Variants in FLNB observed in about 807,000 individuals in gnomAD.
The protein encoded by FLNB is filamin-B.
In FLNB, 111 loss-of-function variants were observed where a neutral mutation model predicts 250.6. The observed-to-expected ratio is 0.44, with a 90% CI of 0.38 to 0.52. The LOEUF (loss-of-function observed/expected upper bound fraction) is 0.52, where lower values mean the gene tolerates loss of function less well. FLNB is among the 20% of genes least tolerant of loss of function. The pLI is 0.00. For missense variants in FLNB, 2,869 were observed against 3,447.8 expected (o/e 0.83, Z 4.20); for synonymous variants, 1,302 against 1,372.1 (o/e 0.95, Z 1.13).
At chr3:58,117,796 T>TGCAAAAATGCAACCAA (rs1559705437) in intron 18 of FLNB, among the ~76,000 whole-genome samples, 16 of 152,006 alleles carry the variant, frequency 1.1e-4, no homozygotes, top group Admixed American at 2.0e-4. Context: ...ACCAGTTTTT[T>TGCAAAAATGCAACCAA]TTTTTTTTTC....
rs56147140 is a variant in FLNB, at chr3:58,123,703, TAAAA to T, written c.3724+33_3724+36del. 2.6e-3 allele frequency: 2,926 copies of T among 1,111,112 alleles called. No individual in the cohort carries two copies. Among genetic ancestry groups the T allele is most frequent in the East Asian group, 6.6e-3 (235 of 35,650 alleles). 68.8% of individuals were successfully genotyped at this position (1,111,112 alleles called of 1,614,324 possible). Reference sequence around the variant, plus strand: ...ATAGAAGGGAAAGGTGGGTTTCATTTAAAAAAAAAAAAAAAAAAAAAAAGACAAG... The same window carrying T: ...ATAGAAGGGAAAGGTGGGTTTCATTTAAAAAAAAAAAAAAAAAAAGACAAG... On this transcript the variant is annotated intron_variant, in intron 21 of 45. Coordinates refer to ENST00000295956, the MANE Select transcript of FLNB (RefSeq NM_001457.4).
At chr3:58,127,788 G>T (rs1247891582) in intron 24 of FLNB, among the ~76,000 whole-genome samples, 4 of 152,098 alleles carry the variant, frequency 2.6e-5, no homozygotes, top group Non-Finnish European at 5.9e-5. Context: ...CATTTGTTTT[G>T]GGGGGAGGAC....
chr3:58,120,673 T>A (rs1212427791), intron 19 of FLNB, among the ~76,000 whole-genome samples: 1 of 152,174 alleles, frequency 6.6e-6, no homozygotes, highest in Non-Finnish European at 1.5e-5. Flanking sequence ...GCCTATAAGA[T>A]GGAGTTGGCT....
intron 1 of FLNB, among the ~76,000 whole-genome samples, chr3:58,063,116 C>T (rs1204079720): frequency 1.3e-5 from 2 of 152,164 alleles, no homozygotes; most frequent in Non-Finnish European, 2.9e-5. Flanking sequence ...CTTGCCAAGT[C>T]GCTGTGCTTG....
intron 1 of FLNB, among the ~76,000 whole-genome samples, chr3:58,025,808 T>C (rs2097122818): frequency 6.6e-6 from 1 of 152,162 alleles, no homozygotes; most frequent in Non-Finnish European, 1.5e-5. Flanking sequence ...TGCCTTTAAT[T>C]CCAGCTACTT....
In FLNB at chr3:58,106,825, G is replaced by A. The variant is rs1194846126; in HGVS notation, c.1893G>A (p.Pro631=). 32 of 1,613,922 alleles carry A rather than the reference G, an allele frequency of 2.0e-5. No homozygotes were observed. The East Asian group carries it at 2.5e-4, about 12-fold the overall frequency. ...ACGACGAAGACATCAAGGACAGCCC[G>A]TACATGGCCTTCATCCACCCAGCCA... is the stretch of plus-strand genomic sequence containing the variant. ...MCDDEDIKDS[P]YMAFIHPATG... The change falls in exon 12 of 46, where the codon CCG becomes CCA. Residue 631 remains proline (P), a synonymous_variant. Transcript: ENST00000295956.
At chr3:58,030,751 G>T (rs1384872636) in intron 1 of FLNB, among the ~76,000 whole-genome samples, 3 of 152,142 alleles carry the variant, frequency 2.0e-5, no homozygotes, top group African/African-American at 7.2e-5. Flanking sequence ...GCAGGCGCCT[G>T]TTGTCCCAGC....
Position 58,163,544 on chromosome 3 carries a change from A to G in FLNB, c.7198+214A>G, listed in dbSNP as rs185926414. ...AGAGTGAGAGCTCGATGGCCGTGTTATCACACCTCATTACTGTTAGTTGTG... is the reference window on the plus strand; with the variant it reads ...AGAGTGAGAGCTCGATGGCCGTGTTGTCACACCTCATTACTGTTAGTTGTG... On this transcript the variant is annotated intron_variant, in intron 43 of 45. Transcript: ENST00000295956. 5.1e-6 allele frequency: 3 copies of G among 586,494 alleles called. No homozygotes were observed. The East Asian group carries it at 8.6e-5, about 17-fold the overall frequency. The allele number at this position is 586,494 out of a possible 1,614,324, so 36.3% of individuals were successfully genotyped here.
At chr3:58,170,284 A>G (rs535134436) in intron 45 of FLNB, among the ~76,000 whole-genome samples, 1 of 152,274 alleles carries the variant, frequency 6.6e-6, no homozygotes, top group East Asian at 1.9e-4. Context: ...AAACCTCACA[A>G]CTAGTTCGTG....
chr3:58,081,761 AG>A lies in FLNB; in HGVS notation c.775del (p.Ala259ProfsTer13). 6.2e-7 allele frequency: 1 copy of A among 1,614,148 alleles called. No individual in the cohort carries two copies. The highest frequency in any genetic ancestry group is 8.5e-7 in the Non-Finnish European group (1 of 1,180,012). Reference protein sequence around the residue: ...LKPKLNPKKARAYGRGIEPTG... With the variant: ...LKPKLNPKKAXAYGRGIEPTG... ...ACCCAAACTCAACCCGAAGAAAGCC[AG>A]GGCCTATGGCAGAGGTGAGTGCTGG... On this transcript the variant is annotated frameshift_variant, in exon 4 of 46. Coordinates refer to ENST00000295956, the MANE Select transcript of FLNB (RefSeq NM_001457.4). LOFTEE classifies it high-confidence loss of function.
intron 1 of FLNB, among the ~76,000 whole-genome samples, chr3:58,067,102 G>A (rs974570114): frequency 3.9e-5 from 6 of 152,170 alleles, no homozygotes; most frequent in African/African-American, 1.4e-4. Context: ...ACTCCCCCAT[G>A]CCATGCCCAG....
At chr3:58,042,151 C>T (rs2097146913) in intron 1 of FLNB, among the ~76,000 whole-genome samples, 1 of 152,124 alleles carries the variant, frequency 6.6e-6, no homozygotes, top group South Asian at 2.1e-4. Context: ...CCTCTAGAAT[C>T]CTGAACAATT....
chr3:58,072,847 C>T (rs185413291), intron 1 of FLNB, among the ~76,000 whole-genome samples: 1 of 152,318 alleles, frequency 6.6e-6, no homozygotes, highest in Admixed American at 6.5e-5. Context: ...TCAACTGGAT[C>T]ATATTTCCCC....
rs2097341869 is a variant in FLNB at position 58,149,830 on chromosome 3, C to T, written c.6092-20C>T. 1 of 1,614,186 alleles carries T rather than the reference C, an allele frequency of 6.2e-7. No homozygotes were observed. Among genetic ancestry groups the T allele is most frequent in the Non-Finnish European group, 8.5e-7 (1 of 1,180,032 alleles). Reference sequence around the variant, plus strand: ...CCTGAGGAGCTGCTGTCAGAACAGCCTGGGGCTGCTGTGTTGCAGGTTATG... The same window carrying T: ...CCTGAGGAGCTGCTGTCAGAACAGCTTGGGGCTGCTGTGTTGCAGGTTATG... On this transcript the variant is annotated intron_variant, in intron 36 of 45. Transcript: ENST00000295956.
At chr3:58,047,621 T>A (rs1207204148) in intron 1 of FLNB, among the ~76,000 whole-genome samples, 6 of 152,068 alleles carry the variant, frequency 3.9e-5, no homozygotes, top group Admixed American at 6.6e-5. Context: ...TCGCCCAGGC[T>A]GTAGTGCAGT....
rs199596463 is a variant in FLNB, at chr3:58,097,931, A to G, written c.1101A>G (p.Val367=). 1.7e-5 allele frequency: 27 copies of G among 1,614,194 alleles called. No homozygotes were observed. The African/African-American group carries it at 2.0e-4, about 12-fold the overall frequency. Residue 367 remains valine, a synonymous_variant, in exon 7 of 46, where the codon GTA becomes GTG. Transcript: ENST00000295956. ...VTAKGPGLEA[V]GNIANKPTYF... is the part of the protein sequence containing the mutation. ...CAAAAGGTCCAGGGTTGGAAGCTGT[A>G]GGGAACATCGCCAATAAGCCCACCT... is the stretch of plus-strand genomic sequence containing the variant.
chr3:58,146,386 A>G (rs1422546222), intron 33 of FLNB, among the ~76,000 whole-genome samples: 1 of 152,148 alleles, frequency 6.6e-6, no homozygotes, highest in Non-Finnish European at 1.5e-5. Context: ...GCTCTTTTTG[A>G]TAAAGCTGTG....
intron 41 of FLNB, among the ~76,000 whole-genome samples, chr3:58,157,038 G>T (rs1403520327): frequency 6.6e-6 from 1 of 152,154 alleles, no homozygotes; most frequent in Non-Finnish European, 1.5e-5. Context: ...ACCCCCACCT[G>T]ATGTTGTGGC....
At chr3:58,158,735 G>A (rs1453257896) in intron 41 of FLNB, among the ~76,000 whole-genome samples, 1 of 152,206 alleles carries the variant, frequency 6.6e-6, no homozygotes, top group East Asian at 1.9e-4. Context: ...AGAGGAGATA[G>A]TTTCCAAGAC....
Sources: gnomAD v4.1 joint callset for allele counts (sites outside exome capture counted in the v4.1 genomes callset) on GRCh38, gnomAD v4.1.1 for gene constraint, MANE v1.5 for transcripts, NCBI Gene and HGNC (gene_info 2026-07-23, HGNC 2026-07-21) for gene names.